Variants in NME9 observed in about 807,000 individuals in gnomAD.
NME9 encodes the protein thioredoxin domain-containing protein 6.
Under a neutral mutation model 44.4 loss-of-function variants are expected in NME9, and 48 were observed. The observed-to-expected ratio is 1.08, with a 90% CI of 0.86 to 1.37. NME9 has a LOEUF of 1.37. NME9 is among the 40% of genes most tolerant of loss of function. The pLI, the probability that NME9 is intolerant of heterozygous loss-of-function variation, is 0.00. For missense variants in NME9, 325 were observed against 405.2 expected, an observed-to-expected ratio of 0.80 and a Z score of 1.70; for synonymous variants, 139 against 147.1, an observed-to-expected ratio of 0.94 and a Z score of 0.40.
chr3:138,286,739 T>C (rs1354419325), intron 8 of NME9, among the ~76,000 whole-genome samples: 1 of 152,182 alleles, frequency 6.6e-6, no homozygotes, highest in African/African-American at 2.4e-5. Flanking sequence ...TTGAGAACCA[T>C]TGCCTTAGGA....
At chr3:138,321,612 G>C (rs1249947595) in intron 2 of NME9, among the ~76,000 whole-genome samples, 1 of 152,144 alleles carries the variant, frequency 6.6e-6, no homozygotes, top group African/African-American at 2.4e-5. Context: ...TCTTTCAGCT[G>C]CTCCAGGGAA....
chr3:138,315,257 C>T (rs1002711801), intron 5 of NME9, among the ~76,000 whole-genome samples: 1 of 152,096 alleles, frequency 6.6e-6, no homozygotes, highest in Non-Finnish European at 1.5e-5. Context: ...ATTTTCATTT[C>T]TGAATTCATT....
chr3:138,325,464 C>T (rs1180642942), intron 1 of NME9, among the ~76,000 whole-genome samples: 2 of 150,492 alleles, frequency 1.3e-5, no homozygotes, highest in Admixed American at 6.7e-5. Context: ...AGTGCAGAAG[C>T]GCAATCTCAG....
At chr3:138,314,448 T>A in intron 5 of NME9, 41 bp from the exon 6 acceptor site, 1 of 1,229,708 alleles carries the variant, frequency 8.1e-7, no homozygotes, top group Non-Finnish European at 1.2e-6. Flanking sequence ...GTTAGCTAAT[T>A]AACATTACCA....
chr3:138,299,083 C>T (rs748047062), downstream of NME9, among the ~76,000 whole-genome samples: 10 of 152,196 alleles, frequency 6.6e-5, no homozygotes, highest in Admixed American at 2.0e-4. Context: ...GCTGACAGAA[C>T]GGTTCCAATT....
Position 138,301,523 on chromosome 3 carries a change from A to G in NME9, c.*117T>C, listed in dbSNP as rs2051845880. ...CCCAGCCATATTATTTTCATTGTCT[A>G]CAAAAGACAGCTAAACCAAAAAGTA... On this transcript the variant is annotated 3_prime_UTR_variant, in exon 11 of 11. Transcript: ENST00000333911. The G allele has an allele frequency of 6.8e-7, 1 of 1,474,754 alleles. No homozygotes were observed. Among genetic ancestry groups the G allele is most frequent in the Non-Finnish European group, 9.0e-7 (1 of 1,115,958 alleles). 91.4% of individuals were successfully genotyped at this position (1,474,754 alleles called of 1,614,324 possible).
At chr3:138,326,754 G>A (rs1191613036) in intron 1 of NME9, among the ~76,000 whole-genome samples, 1 of 151,874 alleles carries the variant, frequency 6.6e-6, no homozygotes, top group Non-Finnish European at 1.5e-5. Flanking sequence ...TCTTAATACA[G>A]GTATGCTAAG....
Position 138,304,860 on chromosome 3 carries a change from C to T in NME9, c.791+13G>A. On this transcript the variant is annotated intron_variant, in intron 9 of 10. Transcript: ENST00000333911. ...TTTAAGATGGATGAAAGGACCACAG[C>T]TGGTGACATCACCTTTCTGGCTGCT... The T allele has an allele frequency of 6.2e-7, 1 of 1,612,514 alleles. No homozygotes were observed. Among genetic ancestry groups the T allele is most frequent in the Non-Finnish European group, 8.5e-7 (1 of 1,179,074 alleles).
intron 8 of NME9, among the ~76,000 whole-genome samples, chr3:138,267,959 C>G (rs1287527391): frequency 1.3e-5 from 2 of 152,086 alleles, no homozygotes; most frequent in Non-Finnish European, 2.9e-5. Flanking sequence ...GATGGAGGTT[C>G]TGGCCAGGCA....
In NME9 at chr3:138,303,792, AATG is replaced by A. The variant is rs568529178; in HGVS notation, c.792-152_792-150del. ...TGCAGGAAATACCAAGAACAGCAGC[AATG>A]ATAATAGCAGCTGGCATTTATTTGG... On this transcript the variant is annotated intron_variant, in intron 9 of 10. Transcript: ENST00000333911. 1.4e-3 allele frequency: 1,006 copies of A among 705,826 alleles called. 3 individuals are homozygous for A. Among genetic ancestry groups the A allele is most frequent in the Non-Finnish European group, 2.2e-3 (917 of 426,380 alleles). 43.7% of individuals were successfully genotyped at this position (705,826 alleles called of 1,614,324 possible).
At chr3:138,306,595 G>A in intron 6 of NME9, 115 bp from the exon 7 acceptor site, 1 of 665,410 alleles carries the variant, frequency 1.5e-6, no homozygotes, top group Non-Finnish European at 2.7e-6. Context: ...CCAGGCACAG[G>A]CTTGGGCTCT....
At chr3:138,315,696 G>T in intron 4 of NME9, 53 bp from the exon 5 acceptor site, 1 of 1,349,724 alleles carries the variant, frequency 7.4e-7, no homozygotes, top group Non-Finnish European at 1.0e-6. Flanking sequence ...TTAATCTCTT[G>T]TAAGAGATGG....
At chr3:138,313,115 G>A (rs1041910078) in intron 6 of NME9, among the ~76,000 whole-genome samples, 6 of 152,224 alleles carry the variant, frequency 3.9e-5, no homozygotes, top group African/African-American at 2.4e-5. Flanking sequence ...GGGAGGCCAG[G>A]TGTGGTGGCT....
chr3:138,329,185 C>A, intron 1 of NME9, 118 bp downstream of exon 1: 1 of 888,958 alleles, frequency 1.1e-6, no homozygotes, highest in Admixed American at 2.4e-5. Flanking sequence ...AGTTTGAGAA[C>A]ACTGTCACGT....
rs569314465 is a variant in NME9 at position 138,322,826 on chromosome 3, T to C, written c.91+2047A>G. Among the ~76,000 whole-genome samples the C allele has an allele frequency of 2.6e-5, 4 of 152,140 alleles. No homozygotes were observed. The South Asian group carries it at 6.2e-4, about 24-fold the overall frequency. Reference sequence around the variant, plus strand: ...TCACTGGATGTTAGCTACTATCACATAGGGTGCTTAGCAAGGTGGCTGGCA... The same window carrying C: ...TCACTGGATGTTAGCTACTATCACACAGGGTGCTTAGCAAGGTGGCTGGCA... On this transcript the variant is annotated intron_variant, in intron 2 of 10. Transcript: ENST00000333911.
intron 6 of NME9, among the ~76,000 whole-genome samples, chr3:138,313,506 G>C (rs2052847879): frequency 6.6e-6 from 1 of 152,148 alleles, no homozygotes; most frequent in Non-Finnish European, 1.5e-5. Context: ...ATAGAAAACA[G>C]TATGGAGGTC....
At chr3:138,320,627 T>G (rs2053404384) in intron 2 of NME9, among the ~76,000 whole-genome samples, 1 of 152,214 alleles carries the variant, frequency 6.6e-6, no homozygotes, top group Non-Finnish European at 1.5e-5. Context: ...GTGGCACTGT[T>G]CTAACACTGT....
chr3:138,284,417 T>C, intron 8 of NME9: 1 of 1,604,538 alleles, frequency 6.2e-7, no homozygotes, highest in Non-Finnish European at 8.5e-7. Flanking sequence ...TGTTGGCCCT[T>C]TGTTCTTTTC....
chr3:138,329,244 C>G, intron 1 of NME9, 59 bp downstream of exon 1: 1 of 1,425,070 alleles, frequency 7.0e-7, no homozygotes, highest in Non-Finnish European at 9.6e-7. Flanking sequence ...CCGCTCTAAT[C>G]ACCCTCCTCT....
Sources: gnomAD v4.1 joint callset for allele counts (sites outside exome capture counted in the v4.1 genomes callset) on GRCh38, gnomAD v4.1.1 for gene constraint, MANE v1.5 for transcripts, NCBI Gene and HGNC (gene_info 2026-07-23, HGNC 2026-07-21) for gene names.